The following ABLIM3 variants were observed in gnomAD, a reference collection of about 807,000 sequenced individuals.
ABLIM3 encodes actin binding LIM protein family member 3.
A neutral mutation model predicts 109.5 loss-of-function variants in ABLIM3; 61 were observed. That is an observed-to-expected ratio of 0.56 (90% CI 0.45 to 0.69). The LOEUF is 0.69. ABLIM3 is among the 30% of genes least tolerant of loss of function. ABLIM3 has a pLI of 0.00. For synonymous variants in ABLIM3, 300 were observed against 324.8 expected (o/e 0.92, Z 0.82); for missense variants, 796 against 889.5 (o/e 0.89, Z 1.34).
intron 15 of ABLIM3, among the ~76,000 whole-genome samples, chr5:149,243,180 C>T (rs1024846627): frequency 1.3e-5 from 2 of 152,168 alleles, no homozygotes; most frequent in Admixed American, 1.3e-4. Context: ...AGGCAGATTC[C>T]CTGGCCCCTT....
rs1433645652 is a variant in ABLIM3 at position 149,211,335 on chromosome 5, A to T, written c.669+516A>T. On this transcript the variant is annotated intron_variant, in intron 7 of 23. Coordinates refer to ENST00000309868, the MANE Select transcript of ABLIM3 (RefSeq NM_014945.5). ...TATGACTCCTTCTGCAGTGACAGACAACCTGCAAAACCCTTGCTGAGGCCT... is the reference window on the plus strand; with the variant it reads ...TATGACTCCTTCTGCAGTGACAGACTACCTGCAAAACCCTTGCTGAGGCCT... Among the ~76,000 whole-genome samples, 4 of 152,020 alleles carry T rather than the reference A, an allele frequency of 2.6e-5. No homozygotes were observed. The South Asian group carries it at 6.2e-4, about 24-fold the overall frequency.
intron 8 of ABLIM3, among the ~76,000 whole-genome samples, chr5:149,224,972 C>G (rs1581172728): frequency 1.3e-5 from 2 of 152,300 alleles, no homozygotes; most frequent in East Asian, 1.9e-4. Flanking sequence ...TAAAGATTTA[C>G]TAACACCCAA....
intron 8 of ABLIM3, among the ~76,000 whole-genome samples, chr5:149,223,302 A>G (rs1000669309): frequency 6.6e-6 from 1 of 152,202 alleles, no homozygotes; most frequent in Non-Finnish European, 1.5e-5. Context: ...CATCGACTTC[A>G]GCAGTCAATT....
intron 3 of ABLIM3, among the ~76,000 whole-genome samples, chr5:149,195,905 C>A (rs116402054): frequency 0.018 from 2,733 of 152,360 alleles, 34 homozygotes; most frequent in Non-Finnish European, 0.03. Flanking sequence ...CAATGCTCCA[C>A]ACTGAGTTTA....
intron 18 of ABLIM3, 27 bp from the exon 19 acceptor site, chr5:149,249,788 A>G (rs1419346539): frequency 3.1e-6 from 5 of 1,613,912 alleles, no homozygotes; most frequent in African/African-American, 2.7e-5. Context: ...CTCATGAGCA[A>G]TGACCTTCAG....
chr5:149,254,964 G>A (rs922985634), intron 23 of ABLIM3, among the ~76,000 whole-genome samples: 3 of 152,188 alleles, frequency 2.0e-5, no homozygotes, highest in Non-Finnish European at 4.4e-5. Context: ...TAAAGACACT[G>A]CCCCAGCCTC....
At chr5:149,251,307 G>C in intron 20 of ABLIM3, 52 bp from the exon 21 acceptor site, 1 of 1,608,308 alleles carries the variant, frequency 6.2e-7, no homozygotes, top group African/African-American at 1.3e-5. Flanking sequence ...GTGCTTCAGG[G>C]AGGCAGAGGT....
intron 8 of ABLIM3, among the ~76,000 whole-genome samples, chr5:149,229,736 A>T (rs1323841487): frequency 1.3e-5 from 2 of 152,116 alleles, no homozygotes; most frequent in Non-Finnish European, 2.9e-5. Flanking sequence ...ATATGTTCCT[A>T]TTTTTCCTTC....
At chr5:149,239,397 G>T in intron 12 of ABLIM3, 120 bp downstream of exon 12, 1 of 1,146,654 alleles carries the variant, frequency 8.7e-7, no homozygotes, top group African/African-American at 1.5e-5. Context: ...CTGCAAGCAG[G>T]GAAGTGCTGG....
intron 2 of ABLIM3, among the ~76,000 whole-genome samples, chr5:149,166,884 C>T (rs1214010486): frequency 6.6e-6 from 1 of 152,160 alleles, no homozygotes; most frequent in Non-Finnish European, 1.5e-5. Context: ...TCCAATAAAA[C>T]TTTATTTACA....
chr5:149,240,036 G>T, intron 13 of ABLIM3, 148 bp downstream of exon 13: 1 of 1,159,630 alleles, frequency 8.6e-7, no homozygotes, highest in Non-Finnish European at 1.2e-6. Context: ...CAGGTGACCA[G>T]CTGGGCCTCT....
At chr5:149,162,963 G>A (rs1484325091) in intron 2 of ABLIM3, among the ~76,000 whole-genome samples, 1 of 152,236 alleles carries the variant, frequency 6.6e-6, no homozygotes. Flanking sequence ...GAGGGAGCAG[G>A]ATGCATTGGA....
At position 149,239,777 on chromosome 5, in the gene ABLIM3, G is replaced by C. The variant is rs563359601; in HGVS notation, c.1093G>C (p.Asp365His). The C allele has an allele frequency of 1.2e-6, 2 of 1,606,272 alleles. No individual in the cohort carries two copies. The highest frequency in any genetic ancestry group is 1.7e-6 in the Non-Finnish European group (2 of 1,176,444). ...CTCCCAGGACATCTACGAGAACCTG[G>C]ACCTCCGGCAGAGACGGGCCTCCAG... ...PYSQDIYENL[D>H]LRQRRASSPG... Residue 365 changes from aspartate (D) to histidine (H), a missense_variant, in exon 13 of 24, where the codon GAC becomes CAC. Transcript: ENST00000309868.
intron 2 of ABLIM3, among the ~76,000 whole-genome samples, chr5:149,167,242 T>C (rs1754916100): frequency 6.6e-6 from 1 of 152,154 alleles, no homozygotes. Flanking sequence ...TTTACTACAG[T>C]GGAGTTTTTT....
intron 3 of ABLIM3, among the ~76,000 whole-genome samples, chr5:149,185,826 A>G (rs932703134): frequency 2.6e-5 from 4 of 152,224 alleles, no homozygotes; most frequent in African/African-American, 9.6e-5. Context: ...CATGAAAGGA[A>G]GGAATCTACG....
intron 14 of ABLIM3, among the ~76,000 whole-genome samples, chr5:149,241,996 G>A (rs150100913): frequency 5.3e-4 from 80 of 152,234 alleles, no homozygotes; most frequent in African/African-American, 1.8e-3. Flanking sequence ...CCCCACTCAC[G>A]TTCCCCTCAA....
At chr5:149,176,863 G>GAT (rs1755978752) in intron 2 of ABLIM3, 1 of 152,130 alleles carries the variant, frequency 6.6e-6, no homozygotes, top group African/African-American at 2.4e-5. Flanking sequence ...CCAGACTTAG[G>GAT]ATAATGTAGC....
intron 3 of ABLIM3, among the ~76,000 whole-genome samples, chr5:149,193,850 T>G (rs1294727496): frequency 6.6e-6 from 1 of 152,206 alleles, no homozygotes; most frequent in African/African-American, 2.4e-5. Context: ...TTAGACTGCT[T>G]AATAAATGAT....
intron 17 of ABLIM3, 147 bp from the exon 18 acceptor site, chr5:149,247,635 G>C (rs1246955270): frequency 2.0e-5 from 20 of 1,012,232 alleles, no homozygotes; most frequent in Non-Finnish European, 3.0e-5. Context: ...GGAAACATGG[G>C]TGCCACAAGG....
Sources: allele counts gnomAD v4.1 joint callset (sites outside exome capture counted in the v4.1 genomes callset), GRCh38; gene constraint gnomAD v4.1.1; transcripts MANE v1.5; gene names NCBI Gene and HGNC (gene_info 2026-07-23, HGNC 2026-07-21).